The following NR1H4 variants were observed in gnomAD, a reference collection of about 807,000 sequenced individuals.
NR1H4 encodes the protein nuclear receptor subfamily 1 group H member 4.
Under a neutral mutation model 58.5 loss-of-function variants are expected in NR1H4, and 23 were observed. The observed-to-expected ratio is 0.39, with a 90% confidence interval of 0.28 to 0.56. NR1H4 has a LOEUF of 0.56. Among genes scored for constraint, NR1H4 ranks in the 20% least tolerant of loss-of-function variants. The probability of loss-of-function intolerance (pLI) is 0.58; values close to 1 mark genes in which losing one functional copy is unlikely to be tolerated. For missense variants in NR1H4, 487 were observed against 576.9 expected, an observed-to-expected ratio of 0.84 and a Z score of 1.60; for synonymous variants, 214 against 198.0, an observed-to-expected ratio of 1.08 and a Z score of -0.68.
chr12:100,540,722 G>A lies in NR1H4; in HGVS notation c.982G>A (p.Ala328Thr), dbSNP rs779468943. 1 of 1,614,176 alleles carries A rather than the reference G, an allele frequency of 6.2e-7. No individual in the cohort carries two copies. Among genetic ancestry groups the A allele is most frequent in the Non-Finnish European group, 8.5e-7 (1 of 1,180,014 alleles). The part of the protein sequence containing the change: ...EDQIALLKGS[A>T]VEAMFLRSAE... ...CCAGATTGCTTTGCTGAAAGGGTCT[G>A]CGGTTGAAGCTATGTTCCTTCGTTC... The change falls in exon 9 of 11, where the codon GCG (alanine) becomes ACG (threonine). Residue 328 changes from alanine (A) to threonine (T), a missense_variant. Coordinates refer to ENST00000392986, the MANE Select transcript of NR1H4 (RefSeq NM_001206979.2).
intron 3 of NR1H4, among the ~76,000 whole-genome samples, chr12:100,502,754 G>T (rs1953863606): frequency 6.6e-6 from 1 of 152,126 alleles, no homozygotes; most frequent in African/African-American, 2.4e-5. Flanking sequence ...TACAAAAAAG[G>T]CTTTGTGCTA....
chr12:100,561,179 G>A (rs574477113), intron 9 of NR1H4, among the ~76,000 whole-genome samples: 5 of 152,150 alleles, frequency 3.3e-5, no homozygotes, highest in African/African-American at 1.2e-4. Context: ...GGCGGATCAC[G>A]AGGTCAGGAG....
intron 4 of NR1H4, among the ~76,000 whole-genome samples, chr12:100,519,676 C>T (rs1954362594): frequency 6.6e-6 from 1 of 152,116 alleles, no homozygotes; most frequent in South Asian, 2.1e-4. Context: ...CAGTTCTACC[C>T]AGGAAAGGGC....
intron 9 of NR1H4, among the ~76,000 whole-genome samples, chr12:100,556,755 C>T (rs1955338256): frequency 6.6e-6 from 1 of 152,178 alleles, no homozygotes; most frequent in Non-Finnish European, 1.5e-5. Flanking sequence ...ATTACCCATT[C>T]TGAGCCTTAC....
chr12:100,557,605 C>G (rs1468336569), intron 9 of NR1H4, among the ~76,000 whole-genome samples: 1 of 152,232 alleles, frequency 6.6e-6, no homozygotes, highest in Non-Finnish European at 1.5e-5. Context: ...TCATCCCACC[C>G]TCCTGCCTTT....
intron 3 of NR1H4, among the ~76,000 whole-genome samples, chr12:100,506,897 T>C (rs1953979472): frequency 6.6e-6 from 1 of 152,222 alleles, no homozygotes. Context: ...ATCTATATCT[T>C]TGTGAAAGCT....
At chr12:100,526,029 C>G (rs1954547535) in intron 4 of NR1H4, among the ~76,000 whole-genome samples, 1 of 151,842 alleles carries the variant, frequency 6.6e-6, no homozygotes, top group African/African-American at 2.4e-5. Context: ...TCTTGGTTAG[C>G]CTTGCTGGGC....
chr12:100,524,939 A>C (rs1322476731), intron 4 of NR1H4, among the ~76,000 whole-genome samples: 1 of 152,080 alleles, frequency 6.6e-6, no homozygotes, highest in Non-Finnish European at 1.5e-5. Context: ...TTGAGGTGGA[A>C]GTCTTGGGGA....
At chr12:100,561,067 T>A (rs1221168810) in intron 9 of NR1H4, among the ~76,000 whole-genome samples, 6 of 152,196 alleles carry the variant, frequency 3.9e-5, no homozygotes, top group Non-Finnish European at 7.3e-5. Context: ...AGGTAATGGC[T>A]TGGTGCTTCA....
At chr12:100,499,587 T>C (rs140529359) in intron 3 of NR1H4, among the ~76,000 whole-genome samples, 99 of 152,264 alleles carry the variant, frequency 6.5e-4, no homozygotes, top group Non-Finnish European at 1.2e-3. Context: ...TTGCAGAGTT[T>C]GGAAAAGGTG....
intron 9 of NR1H4, among the ~76,000 whole-genome samples, chr12:100,555,778 G>A (rs113263501): frequency 3.9e-4 from 60 of 152,264 alleles, no homozygotes; most frequent in African/African-American, 1.4e-3. Flanking sequence ...AGACCAAGTC[G>A]TGGAGTTTGG....
intron 1 of NR1H4, among the ~76,000 whole-genome samples, chr12:100,482,178 T>TG: frequency 6.6e-6 from 1 of 152,166 alleles, no homozygotes; most frequent in Non-Finnish European, 1.5e-5. Flanking sequence ...ATGTATAAAA[T>TG]GGTTCCCATG....
chr12:100,557,218 C>T (rs1324128925), intron 9 of NR1H4, among the ~76,000 whole-genome samples: 7 of 152,002 alleles, frequency 4.6e-5, no homozygotes, highest in African/African-American at 1.7e-4. Context: ...TGGGGAAGCC[C>T]CAGGGAGCTT....
intron 9 of NR1H4, among the ~76,000 whole-genome samples, chr12:100,554,521 A>G (rs529704976): frequency 6.6e-6 from 1 of 152,264 alleles, no homozygotes; most frequent in South Asian, 2.1e-4. Flanking sequence ...TGTTAATTCT[A>G]TCAAATGGTT....
At chr12:100,537,190 G>A (rs1954833415) in intron 8 of NR1H4, 143 bp downstream of exon 8, 1 of 623,874 alleles carries the variant, frequency 1.6e-6, no homozygotes. Context: ...ACTTTGCCAA[G>A]TATTTTCACA....
At chr12:100,554,996 C>T (rs1955290696) in intron 9 of NR1H4, among the ~76,000 whole-genome samples, 1 of 152,146 alleles carries the variant, frequency 6.6e-6, no homozygotes, top group African/African-American at 2.4e-5. Flanking sequence ...TCTATATTCA[C>T]TCTTGGCTTT....
Position 100,563,253 on chromosome 12 carries a change from A to G in NR1H4, c.1195A>G (p.Arg399Gly). The G allele has an allele frequency of 1.2e-6, 2 of 1,606,444 alleles. No individual in the cohort carries two copies. Among genetic ancestry groups the G allele is most frequent in the Non-Finnish European group, 1.7e-6 (2 of 1,173,016 alleles). ...TTTTATTTTAAACTTCAAAACAGATAGACAATACATAAAGGATAGAGAGGC... is the reference window on the plus strand; with the variant it reads ...TTTTATTTTAAACTTCAAAACAGATGGACAATACATAAAGGATAGAGAGGC... ...LTAIVILSPD[R>G]QYIKDREAVE... Residue 399 changes from arginine (R) to glycine (G), a missense_variant and splice_region_variant, in exon 11 of 11, where the codon AGA becomes GGA. By Grantham distance (125) the Arg-to-Gly change is moderately radical (BLOSUM62 -2). Coordinates refer to ENST00000392986, the MANE Select transcript of NR1H4 (RefSeq NM_001206979.2).
At chr12:100,509,780 A>T (rs1954058457) in intron 3 of NR1H4, among the ~76,000 whole-genome samples, 1 of 152,196 alleles carries the variant, frequency 6.6e-6, no homozygotes, top group African/African-American at 2.4e-5. Context: ...ACATGGCAAA[A>T]ACTACAAACA....
chr12:100,512,113 G>A (rs886369576), intron 4 of NR1H4, among the ~76,000 whole-genome samples: 4 of 151,792 alleles, frequency 2.6e-5, no homozygotes, highest in African/African-American at 9.7e-5. Flanking sequence ...CACGCATGTT[G>A]TCCCAGCTAC....
Sources: gnomAD v4.1 joint callset for allele counts (sites outside exome capture counted in the v4.1 genomes callset) on GRCh38, gnomAD v4.1.1 for gene constraint, MANE v1.5 for transcripts, NCBI Gene and HGNC (gene_info 2026-07-23, HGNC 2026-07-21) for gene names.